The following TEPSIN variants were observed in gnomAD, a reference collection of about 807,000 sequenced individuals.
TEPSIN encodes AP-4 complex accessory subunit tepsin.
Under a neutral mutation model 48.5 loss-of-function variants are expected in TEPSIN, and 50 were observed. The ratio of observed to expected loss-of-function variants is 1.03; its 90% CI spans 0.82 to 1.31. The LOEUF is 1.31. Among genes scored for constraint, TEPSIN ranks in the 50% most tolerant of loss-of-function variants. The pLI is 0.00. For synonymous variants in TEPSIN, 392 were observed against 358.8 expected (o/e 1.09, Z -1.05); for missense variants, 838 against 815.9 (o/e 1.03, Z -0.33).
rs1340869386 is a variant in TEPSIN, at chr17:81,228,742, A to G, written c.*186T>C. 6 of 705,948 alleles carry G rather than the reference A, an allele frequency of 8.5e-6. No homozygotes were observed. Among genetic ancestry groups the G allele is most frequent in the Non-Finnish European group, 1.4e-5 (6 of 425,970 alleles). The allele number at this position is 705,948 out of a possible 1,614,324, so 43.7% of individuals were successfully genotyped here. On this transcript the variant is annotated 3_prime_UTR_variant, in exon 13 of 13. Coordinates refer to ENST00000637944, the MANE Select transcript of TEPSIN (RefSeq NM_001363764.2). ...AGCCCTGCCACCTGCCATCCCTCGT[A>G]GGGATTCAAGTCCAAATAGCCAGAG...
In TEPSIN at chr17:81,228,975, CT is replaced by C; in HGVS notation, c.1734del (p.Glu579SerfsTer13). 3.1e-6 allele frequency: 5 copies of C among 1,613,826 alleles called. No homozygotes were observed. The highest frequency in any genetic ancestry group is 4.2e-6 in the Non-Finnish European group (5 of 1,180,014). ...PQTSSQRTAA[K>X]EPPGSEPSAF... ...GCTGACGGCTCTGAGCCAGGAGGCTCTTTGGCTGCTGTCCTCTGGGACGATG... is the reference window on the plus strand; with the variant it reads ...GCTGACGGCTCTGAGCCAGGAGGCTCTTGGCTGCTGTCCTCTGGGACGATG... On this transcript the variant is annotated frameshift_variant, in exon 13 of 13. Transcript: ENST00000637944. LOFTEE classifies it high-confidence loss of function.
rs553320964 is a variant in TEPSIN at position 81,230,938 on chromosome 17, C to G, written c.1099-260G>C. On this transcript the variant is annotated intron_variant, in intron 11 of 12. Coordinates refer to ENST00000637944, the MANE Select transcript of TEPSIN (RefSeq NM_001363764.2). The surrounding 1 kb of genome is among the most constrained non-coding windows in gnomAD (Gnocchi z 4.2). ...CTTCACCGCCTTACACCCCAGCTCC[C>G]GGACACCAGAGCCATGTCCTCCCCG... The G allele has an allele frequency of 3.7e-6, 2 of 541,038 alleles. No homozygotes were observed. Among genetic ancestry groups the G allele is most frequent in the Non-Finnish European group, 6.5e-6 (2 of 309,912 alleles). The allele number at this position is 541,038 out of a possible 1,614,324, so 33.5% of individuals were successfully genotyped here. A position where few individuals can be genotyped will look rare whatever the true frequency, so the allele number is the denominator to read the frequency against.
At chr17:81,236,344 T>C (rs1194495388) in intron 4 of TEPSIN, among the ~76,000 whole-genome samples, 1 of 152,196 alleles carries the variant, frequency 6.6e-6, no homozygotes, top group East Asian at 1.9e-4. Flanking sequence ...GTCTGCTATG[T>C]GTGGGCACTG....
In TEPSIN at chr17:81,239,005, C is replaced by G; in HGVS notation, c.29G>C (p.Arg10Pro). The G allele has an allele frequency of 6.7e-7, 1 of 1,488,500 alleles. No individual in the cohort carries two copies. The allele number at this position is 1,488,500 out of a possible 1,614,324, so 92.2% of individuals were successfully genotyped here. A position where few individuals can be genotyped will look rare whatever the true frequency, so the allele number is the denominator to read the frequency against. The change falls in exon 1 of 13, where the codon CGC (arginine) becomes CCC (proline). Residue 10 changes from arginine to proline, a missense_variant. Physicochemically the swap from Arg to Pro is moderately radical, Grantham distance 103. Transcript: ENST00000637944. Reference sequence around the variant, plus strand: ...ACTCACCCGGTGTAGAAAGCTCAGGCGGTCCCGTAGCGGCGGCGCGGCAGC... The same window carrying G: ...ACTCACCCGGTGTAGAAAGCTCAGGGGGTCCCGTAGCGGCGGCGCGGCAGC... MAAAPPLRD[R>P]LSFLHRLPIL...
rs1426205098 is a variant in TEPSIN at position 81,229,398 on chromosome 17, C to A, written c.1312G>T (p.Ala438Ser). Residue 438 changes from alanine (A) to serine (S), a missense_variant, in exon 13 of 13, where the codon GCC becomes TCC. Ala to Ser is a moderately conservative substitution (Grantham distance 99). Coordinates refer to ENST00000637944, the MANE Select transcript of TEPSIN (RefSeq NM_001363764.2). ...AGCAGGTCAGATGGGCCTGGGAGGG[C>A]GGCTGTGGGGCCAGGCTCAGCTGAG... ...GTSAEPGPTA[A>S]LPGPSDLLTD... The A allele has an allele frequency of 6.4e-7, 1 of 1,550,916 alleles. No individual in the cohort carries two copies. Among genetic ancestry groups the A allele is most frequent in the Non-Finnish European group, 8.7e-7 (1 of 1,147,680 alleles).
intron 3 of TEPSIN, 25 bp downstream of exon 3, chr17:81,236,955 G>A (rs763975454): frequency 6.4e-7 from 1 of 1,555,544 alleles, no homozygotes; most frequent in Non-Finnish European, 8.7e-7. Context: ...CCTCAGGCCT[G>A]ACCCTTGACC....
At position 81,237,117 on chromosome 17, in the gene TEPSIN, G is replaced by A. The variant is rs1189782979; in HGVS notation, c.122-46C>T. On this transcript the variant is annotated intron_variant, in intron 2 of 12. Coordinates refer to ENST00000637944, the MANE Select transcript of TEPSIN (RefSeq NM_001363764.2). ...GGAAGGGCGAGATGATGAGGGCTGC[G>A]CCAGGCCGCAGGGAGACCAGGCCAT... is the stretch of plus-strand genomic sequence containing the variant. 3.9e-6 allele frequency: 6 copies of A among 1,531,856 alleles called. No individual in the cohort carries two copies. The East Asian group carries it at 9.7e-5, about 25-fold the overall frequency. 94.9% of individuals were successfully genotyped at this position (1,531,856 alleles called of 1,614,324 possible). A position where few individuals can be genotyped will look rare whatever the true frequency, so the allele number is the denominator to read the frequency against.
At chr17:81,236,679 C>T (rs1016193572) in intron 4 of TEPSIN, 29 bp downstream of exon 4, 5 of 1,548,418 alleles carry the variant, frequency 3.2e-6, no homozygotes, top group African/African-American at 1.4e-5. Context: ...AGCCCTGGCT[C>T]TTCCTGAGCG....
intron 12 of TEPSIN, chr17:81,229,842 T>C: frequency 3.3e-6 from 1 of 302,486 alleles, no homozygotes; most frequent in Non-Finnish European, 6.2e-6. Context: ...GCAGGGTTCT[T>C]CCAGCATGCC....
rs369364640 is a variant in TEPSIN, at chr17:81,229,065, G to A, written c.1645C>T (p.Arg549Cys). 3.1e-5 allele frequency: 50 copies of A among 1,613,408 alleles called. No homozygotes were observed. The Admixed American group carries it at 3.7e-4, about 12-fold the overall frequency. The change falls in exon 13 of 13, where the codon CGC (arginine) becomes TGC (cysteine). Residue 549 changes from arginine to cysteine, a missense_variant. Physicochemically the swap from Arg to Cys is radical, Grantham distance 180 (BLOSUM62 -3). Transcript: ENST00000637944. ...FAGMELVACP[R>C]LVGAGAAAGE... ...GCAGCAGCCCCAGCCCCCACCAGGC[G>A]GGGACAGGCCACCAGCTCCATGCCA...
rs780934134 is a variant in TEPSIN at position 81,231,606 on chromosome 17, G to A, written c.991C>T (p.Arg331Cys). The change falls in exon 10 of 13, where the codon CGC (arginine) becomes TGC (cysteine). Residue 331 changes from arginine to cysteine, a missense_variant. By Grantham distance (180) the Arg-to-Cys change is radical. Transcript: ENST00000637944. Reference protein sequence around the residue: ...VTRGPRAFLSREEAQHFIKAC... With the variant: ...VTRGPRAFLSCEEAQHFIKAC... ...TTGATGAAGTGCTGTGCCTCCTCGC[G>A]GCTCAGGAAGGCGCGTGGTCCCCGA... 30 of 1,612,924 alleles carry A rather than the reference G, an allele frequency of 1.9e-5. 1 individual carries two copies. Among genetic ancestry groups the A allele is most frequent in the South Asian group, 6.6e-5 (6 of 91,020 alleles).
chr17:81,231,154 C>T, intron 11 of TEPSIN: 5 of 580,300 alleles, frequency 8.6e-6, no homozygotes, highest in South Asian at 6.3e-5. Flanking sequence ...TGTGTGCATA[C>T]CACACACGTG....
chr17:81,229,609 G>A, intron 12 of TEPSIN, 133 bp from the exon 13 acceptor site: 1 of 953,188 alleles, frequency 1.0e-6, no homozygotes, highest in Non-Finnish European at 1.6e-6. Context: ...CAGGACACCG[G>A]CTGCTGGGAG....
At chr17:81,231,129 A>C in intron 11 of TEPSIN, 1 of 435,006 alleles carries the variant, frequency 2.3e-6, no homozygotes, top group Non-Finnish European at 4.1e-6. Context: ...GCAGTCATGT[A>C]CACACACACA....
rs2062656742 is a variant in TEPSIN, at chr17:81,233,335, C to G, written c.526+97G>C. ...GCCATGTAGGGGAGGGGACGGGGGA[C>G]AGCAGCTACTAGATGGGGCGGCATG... On this transcript the variant is annotated intron_variant, in intron 7 of 12. Transcript: ENST00000637944. The surrounding 1 kb of genome is among the most constrained non-coding windows in gnomAD (Gnocchi z 5.8). 2.1e-6 allele frequency: 3 copies of G among 1,408,428 alleles called. No individual in the cohort carries two copies. The highest frequency in any genetic ancestry group is 1.9e-6 in the Non-Finnish European group (2 of 1,036,878). 87.2% of individuals were successfully genotyped at this position (1,408,428 alleles called of 1,614,324 possible). A position where few individuals can be genotyped will look rare whatever the true frequency, so the allele number is the denominator to read the frequency against.
Position 81,230,566 on chromosome 17 carries a change from G to A in TEPSIN, c.1211C>T (p.Pro404Leu). ...CACCTTGGTGGCCTTGTTGGTCACA[G>A]GTCCCGGGCTGCCCATGCTGAGCTC... ...LQELSMGSPGPVTNKATKILR... is the reference protein window; with the variant it reads ...LQELSMGSPGLVTNKATKILR... The change falls in exon 12 of 13, where the codon CCT (proline) becomes CTT (leucine). Residue 404 changes from proline (P) to leucine (L), a missense_variant. Pro to Leu is a moderately conservative substitution (Grantham distance 98). Transcript: ENST00000637944. This position sits in a 1 kb window ranked among gnomAD's most constrained non-coding sequence, Gnocchi z 4.2. 6.2e-7 allele frequency: 1 copy of A among 1,611,948 alleles called. No homozygotes were observed. Among genetic ancestry groups the A allele is most frequent in the Non-Finnish European group, 8.5e-7 (1 of 1,179,324 alleles).
chr17:81,239,055 T>G lies in TEPSIN; in HGVS notation c.-22A>C. On this transcript the variant is annotated 5_prime_UTR_variant, in exon 1 of 13. Transcript: ENST00000637944. ...CCATGATCCAGGTCCCCTCCCGGTC[T>G]GCCCCGCTTCCGCCAGGCCCGGGCC... 4 of 1,484,438 alleles carry G rather than the reference T, an allele frequency of 2.7e-6. No homozygotes were observed. Among genetic ancestry groups the G allele is most frequent in the Non-Finnish European group, 3.6e-6 (4 of 1,123,634 alleles). 92.0% of individuals were successfully genotyped at this position (1,484,438 alleles called of 1,614,324 possible).
At position 81,233,655 on chromosome 17, in the gene TEPSIN, C is replaced by T. The variant is rs144199126; in HGVS notation, c.437G>A (p.Gly146Glu). ...VLPLAPSQPL[G>E]TPPATGMGSQ... ...TCACCTACCTGTGGCAGGCGGGGTC[C>T]CCAGAGGCTGGGAGGGAGCCAGCGG... Residue 146 changes from glycine to glutamate, a missense_variant, in exon 6 of 13, where the codon GGG becomes GAG. Physicochemically the swap from Gly to Glu is moderately conservative, Grantham distance 98. Transcript: ENST00000637944. The surrounding 1 kb of genome is among the most constrained non-coding windows in gnomAD (Gnocchi z 5.8). 2.1e-5 allele frequency: 34 copies of T among 1,601,056 alleles called. No individual in the cohort carries two copies. The highest frequency in any genetic ancestry group is 3.5e-5 in the Admixed American group (2 of 57,348).
At chr17:81,236,939 G>A in intron 3 of TEPSIN, 41 bp downstream of exon 3, 2 of 1,542,688 alleles carry the variant, frequency 1.3e-6, no homozygotes, top group Non-Finnish European at 1.8e-6. Context: ...ACCACCGTGG[G>A]CCGGGCCTCA....
Sources: gnomAD v4.1 joint callset for allele counts (sites outside exome capture counted in the v4.1 genomes callset) on GRCh38, gnomAD v4.1.1 for gene constraint, Gnocchi (gnomAD v3.1) non-coding constraint, MANE v1.5 for transcripts, NCBI Gene and HGNC (gene_info 2026-07-23, HGNC 2026-07-21) for gene names.